Variants in CAPN14 observed in about 807,000 individuals in gnomAD.
CAPN14 encodes the protein calpain 14.
CAPN14 carries 94 observed loss-of-function variants against 101.3 expected under a neutral mutation model. The observed-to-expected ratio is 0.93, with a 90% CI of 0.79 to 1.10. The LOEUF is 1.10. Among genes scored for constraint, CAPN14 ranks in the 50% least tolerant of loss-of-function variants. The probability of loss-of-function intolerance (pLI) is 0.00; values close to 1 mark genes in which losing one functional copy is unlikely to be tolerated. For synonymous variants in CAPN14, 338 were observed against 317.9 expected, an observed-to-expected ratio of 1.06 and a Z score of -0.67; for missense variants, 837 against 828.4, an observed-to-expected ratio of 1.01 and a Z score of -0.13.
chr2:31,209,748 GA>G (rs138599451), intron 1 of CAPN14, among the ~76,000 whole-genome samples: 6,355 of 152,234 alleles, frequency 0.042, 139 homozygotes, highest in African/African-American at 0.054. Flanking sequence ...AGGATGACAG[GA>G]GCCAGCTGTG....
intron 1 of CAPN14, among the ~76,000 whole-genome samples, chr2:31,214,120 G>C (rs1682529084): frequency 6.6e-6 from 1 of 152,142 alleles, no homozygotes; most frequent in Admixed American, 6.5e-5. Flanking sequence ...TCCCAGATGT[G>C]ATCATTCATG....
upstream of CAPN14, among the ~76,000 whole-genome samples, chr2:31,220,844 G>GT (rs1170244094): frequency 6.6e-6 from 1 of 152,038 alleles, no homozygotes; most frequent in Non-Finnish European, 1.5e-5. Flanking sequence ...ATTTTTGTTC[G>GT]TTTGGTTATA....
chr2:31,175,737 A>G (rs564346233), intron 21 of CAPN14, among the ~76,000 whole-genome samples: 38 of 152,346 alleles, frequency 2.5e-4, no homozygotes, highest in African/African-American at 8.9e-4. Flanking sequence ...AAGCAATTCC[A>G]TAAAATGGAC....
chr2:31,211,834 GA>G lies in CAPN14; in HGVS notation c.-53+5621del, dbSNP rs1396338776. 5.3e-5 allele frequency among the ~76,000 whole-genome samples: 8 copies of G among 151,848 alleles called. No homozygotes were observed. The East Asian group carries it at 7.7e-4, about 15-fold the overall frequency. On this transcript the variant is annotated intron_variant, in intron 1 of 21. Coordinates refer to ENST00000403897, the MANE Select transcript of CAPN14 (RefSeq NM_001145122.2). The stretch of plus-strand genomic sequence containing the variant: ...TAGTATGTATTACTTTTATCATGAG[GA>G]AAAAAATGTGTTTAATAAAAATACA...
intron 1 of CAPN14, chr2:31,228,474 T>A (rs1194568080): frequency 6.6e-6 from 1 of 152,154 alleles, no homozygotes; most frequent in East Asian, 1.9e-4. Context: ...ACCACAGATA[T>A]CACTACTAAA....
In CAPN14 at chr2:31,202,392, G is replaced by T. The variant is rs187504492; in HGVS notation, c.296-140C>A. 57 of 653,726 alleles carry T rather than the reference G, an allele frequency of 8.7e-5. No homozygotes were observed. In the African/African-American group the frequency reaches 8.7e-4, roughly 10 times the overall value. The allele number at this position is 653,726 out of a possible 1,614,324, so 40.5% of individuals were successfully genotyped here. On this transcript the variant is annotated intron_variant, in intron 3 of 21. Transcript: ENST00000403897. ...GGAATTATATACTGGGAAGGCGGAT[G>T]ATGAGTGAGCAGAGGTGGGGCTGGG... is the stretch of plus-strand genomic sequence containing the variant.
At chr2:31,187,595 A>C (rs1357321704) in intron 15 of CAPN14, among the ~76,000 whole-genome samples, 163 bp downstream of exon 15, 1 of 152,232 alleles carries the variant, frequency 6.6e-6, no homozygotes, top group Non-Finnish European at 1.5e-5. Flanking sequence ...ATTTGTCTAA[A>C]AACTTGAGGA....
At chr2:31,218,260 G>T (rs1353628552), upstream of CAPN14, among the ~76,000 whole-genome samples, 23 of 121,884 alleles carry the variant, frequency 1.9e-4, no homozygotes, top group Admixed American at 2.0e-3. Flanking sequence ...CTTCTCCTAG[G>T]TTCCCACCAC....
At chr2:31,203,400 C>T (rs1398771704) in intron 2 of CAPN14, among the ~76,000 whole-genome samples, 1 of 152,090 alleles carries the variant, frequency 6.6e-6, no homozygotes, top group South Asian at 2.1e-4. Flanking sequence ...ACCAAAAATG[C>T]CTTTTCTTAG....
intron 1 of CAPN14, among the ~76,000 whole-genome samples, chr2:31,229,613 A>C (rs1243614983): frequency 3.4e-5 from 5 of 145,142 alleles, no homozygotes; most frequent in African/African-American, 1.3e-4. Flanking sequence ...CAGGAAGTAG[A>C]GGTTGCAGTA....
intron 16 of CAPN14, among the ~76,000 whole-genome samples, chr2:31,181,519 A>C (rs569458830): frequency 0.022 from 901 of 40,054 alleles, 11 homozygotes; most frequent in East Asian, 0.034. Flanking sequence ...TCTTTTTTTT[A>C]TTTTTTTATT....
intron 2 of CAPN14, among the ~76,000 whole-genome samples, chr2:31,204,031 G>T (rs1031596770): frequency 6.6e-6 from 1 of 152,190 alleles, no homozygotes; most frequent in African/African-American, 2.4e-5. Context: ...TGTTTTGGGG[G>T]TAGGAGGTTG....
chr2:31,206,496 A>C (rs1682103009), intron 1 of CAPN14, among the ~76,000 whole-genome samples: 1 of 152,050 alleles, frequency 6.6e-6, no homozygotes, highest in Non-Finnish European at 1.5e-5. Context: ...CAAGTGATCT[A>C]CCCGCCTTGG....
chr2:31,199,332 A>T (rs78711369), intron 7 of CAPN14, 138 bp downstream of exon 7: 22,586 of 746,986 alleles, frequency 0.03, 442 homozygotes, highest in Non-Finnish European at 0.037. Flanking sequence ...CAGGAAATAG[A>T]TGCCGAGGCA....
In CAPN14 at chr2:31,205,453, G is replaced by A; in HGVS notation, c.-6C>T. ...AAAGGTGGCCACAGAGACATGGCAG[G>A]TGGTGGGTACAGTCCAGTGAGTCTT... is the stretch of plus-strand genomic sequence containing the variant. On this transcript the variant is annotated 5_prime_UTR_variant, in exon 2 of 22. Transcript: ENST00000403897. 1 of 1,550,796 alleles carries A rather than the reference G, an allele frequency of 6.4e-7. No individual in the cohort carries two copies. The highest frequency in any genetic ancestry group is 8.7e-7 in the Non-Finnish European group (1 of 1,146,214).
intron 11 of CAPN14, 38 bp downstream of exon 11, chr2:31,191,897 C>T: frequency 1.3e-6 from 2 of 1,503,832 alleles, no homozygotes; most frequent in Non-Finnish European, 1.8e-6. Context: ...GACCCCCACG[C>T]TTGGTCCCAT....
intron 16 of CAPN14, among the ~76,000 whole-genome samples, chr2:31,182,871 T>G (rs1394832028): frequency 6.6e-6 from 1 of 151,528 alleles, no homozygotes; most frequent in South Asian, 2.1e-4. Flanking sequence ...AGAGCCCGCA[T>G]CGCCAAGTCA....
At chr2:31,199,688 T>C (rs1237048604) in intron 6 of CAPN14, among the ~76,000 whole-genome samples, 156 bp from the exon 7 acceptor site, 2 of 152,204 alleles carry the variant, frequency 1.3e-5, no homozygotes, top group African/African-American at 4.8e-5. Flanking sequence ...CTCTTTGGTA[T>C]CCATAGTCTC....
intron 20 of CAPN14, 125 bp from the exon 21 acceptor site, chr2:31,176,767 C>T: frequency 2.2e-6 from 2 of 891,102 alleles, no homozygotes; most frequent in Non-Finnish European, 3.6e-6. Context: ...CCAGTGTCAG[C>T]CTACATGTGA....
Sources: gnomAD v4.1 joint callset for allele counts (sites outside exome capture counted in the v4.1 genomes callset) on GRCh38, gnomAD v4.1.1 for gene constraint, MANE v1.5 for transcripts, NCBI Gene and HGNC (gene_info 2026-07-23, HGNC 2026-07-21) for gene names.